Variants in P2RX5 observed in about 807,000 individuals in gnomAD.
P2RX5 encodes the protein purinergic receptor P2X 5.
P2RX5 carries 46 observed loss-of-function variants against 54.1 expected under a neutral mutation model. The ratio of observed to expected loss-of-function variants is 0.85; its 90% CI spans 0.67 to 1.09. P2RX5 has a LOEUF of 1.09. Among genes scored for constraint, P2RX5 ranks in the 50% least tolerant of loss-of-function variants. P2RX5 has a pLI of 0.00. For synonymous variants in P2RX5, 226 were observed against 226.4 expected (o/e 1.00, Z 0.02); for missense variants, 566 against 549.8 (o/e 1.03, Z -0.29).
At chr17:3,714,983 T>C in the P2RX5 span, 5 of 1,212,302 alleles carry the variant, frequency 4.1e-6, no homozygotes, top group South Asian at 2.4e-5. Context: ...AGGCCAAAGA[T>C]AGCCATCTGT....
intron 10 of P2RX5, among the ~76,000 whole-genome samples, chr17:3,680,482 C>G: frequency 1.0e-5 from 1 of 96,358 alleles, no homozygotes; most frequent in African/African-American, 5.7e-5. Flanking sequence ...CTCCACCCTG[C>G]ATCCTCCACC....
chr17:3,702,457 C>T, the P2RX5 span, among the ~76,000 whole-genome samples: 2 of 152,196 alleles, frequency 1.3e-5, no homozygotes, highest in South Asian at 2.1e-4. Context: ...CCACCCAAGC[C>T]AGCAGTGGCA....
At position 3,691,788 on chromosome 17, in the gene P2RX5, C is replaced by T. The variant is rs1328143334; in HGVS notation, c.144G>A (p.Val48=). The part of the protein sequence containing the change: ...ASILAYLVVW[V]FLIKKGYQDV... ...CTTGGTAACCCTTCTTTATCAGGAACACCCATCTGTGGGAAGGGGGCCGGT... is the reference window on the plus strand; with the variant it reads ...CTTGGTAACCCTTCTTTATCAGGAATACCCATCTGTGGGAAGGGGGCCGGT... Residue 48 remains valine (V), a synonymous_variant, in exon 2 of 12, where the codon GTG becomes GTA. Coordinates refer to ENST00000225328, the MANE Select transcript of P2RX5 (RefSeq NM_002561.4). 12 of 1,614,160 alleles carry T rather than the reference C, an allele frequency of 7.4e-6. No homozygotes were observed. Among genetic ancestry groups the T allele is most frequent in the East Asian group, 6.7e-5 (3 of 44,884 alleles).
At chr17:3,723,746 T>C in the P2RX5 span, 42 of 1,606,786 alleles carry the variant, frequency 2.6e-5, no homozygotes, top group South Asian at 3.0e-4. Flanking sequence ...CGTGGAGGCC[T>C]GAAACGAGAG....
chr17:3,691,748 G>C lies in P2RX5; in HGVS notation c.184C>G (p.Leu62Val). The C allele has an allele frequency of 6.2e-7, 1 of 1,614,236 alleles. No individual in the cohort carries two copies. The highest frequency in any genetic ancestry group is 8.5e-7 in the Non-Finnish European group (1 of 1,180,042). ...KKGYQDVDTS[L>V]QSAVITKVKG... ...ACTTTGGTGATGACAGCACTCTGCA[G>C]GGAGGTGTCGACGTCTTGGTAACCC... The change falls in exon 2 of 12, where the codon CTG (leucine) becomes GTG (valine). Residue 62 changes from leucine (L) to valine (V), a missense_variant. Coordinates refer to ENST00000225328, the MANE Select transcript of P2RX5 (RefSeq NM_002561.4).
upstream of P2RX5, among the ~76,000 whole-genome samples, chr17:3,699,598 AG>A (rs1026727552): frequency 6.6e-6 from 1 of 151,866 alleles, no homozygotes; most frequent in Non-Finnish European, 1.5e-5. Context: ...CGAGGTCAAA[AG>A]TTTGAGACCA....
intron 10 of P2RX5, among the ~76,000 whole-genome samples, chr17:3,680,988 T>C (rs866345041): frequency 1.4e-3 from 33 of 23,174 alleles, no homozygotes; most frequent in African/African-American, 5.1e-3. Flanking sequence ...CTCCACCCAG[T>C]GTCCTCCACC....
chr17:3,697,348 G>C (rs1162461), upstream of P2RX5, among the ~76,000 whole-genome samples: 121,810 of 151,394 alleles, frequency 0.8, 49,161 homozygotes, highest in East Asian at 0.91. Context: ...GAGGGCCTCC[G>C]GGGGGGCAGG....
chr17:3,684,492 G>A (rs909041052), intron 9 of P2RX5, among the ~76,000 whole-genome samples: 2 of 152,170 alleles, frequency 1.3e-5, no homozygotes, highest in African/African-American at 4.8e-5. Flanking sequence ...GCCCTGGCTA[G>A]TGGGGAGGCT....
the P2RX5 span, chr17:3,720,190 C>G: frequency 1.7e-6 from 1 of 601,846 alleles, no homozygotes; most frequent in Non-Finnish European, 3.0e-6. Context: ...ATGGCAGAGC[C>G]AAGATCAGAA....
At chr17:3,721,261 T>C in the P2RX5 span, among the ~76,000 whole-genome samples, 1 of 20,546 alleles carries the variant, frequency 4.9e-5, no homozygotes, top group African/African-American at 8.5e-4. Context: ...AGATTTTTCC[T>C]TTTTTTTTTT....
upstream of P2RX5, among the ~76,000 whole-genome samples, chr17:3,697,373 C>T (rs1251505629): frequency 3.3e-5 from 5 of 152,120 alleles, no homozygotes; most frequent in African/African-American, 1.2e-4. Flanking sequence ...GAACTCCTGA[C>T]AGCCAAAGAC....
chr17:3,675,314 A>G, intron 11 of P2RX5: 1 of 978,546 alleles, frequency 1.0e-6, no homozygotes, highest in Non-Finnish European at 1.2e-6. Flanking sequence ...TGCTAGGATT[A>G]CAGGCGTGAG....
intron 11 of P2RX5, chr17:3,677,304 TG>T: frequency 1.0e-6 from 1 of 985,336 alleles, no homozygotes; most frequent in African/African-American, 1.7e-5. Context: ...TCAAGGCGAC[TG>T]TATCTCCCAT....
chr17:3,681,774 C>T, intron 10 of P2RX5, 122 bp downstream of exon 10: 1 of 741,358 alleles, frequency 1.3e-6, no homozygotes, highest in Non-Finnish European at 2.5e-6. Context: ...CTTCTCCTCC[C>T]CGGGCCCTCC....
At chr17:3,715,810 C>T in the P2RX5 span, among the ~76,000 whole-genome samples, 1 of 151,906 alleles carries the variant, frequency 6.6e-6, no homozygotes, top group African/African-American at 2.4e-5. Context: ...TGCAGTGAGC[C>T]CTTAACTGTG....
intron 11 of P2RX5, chr17:3,675,655 G>A (rs1212715331): frequency 1.2e-5 from 9 of 761,282 alleles, no homozygotes; most frequent in East Asian, 1.3e-4. Context: ...AGGTTCAAGC[G>A]ATTCTCCTGC....
the P2RX5 span, among the ~76,000 whole-genome samples, chr17:3,721,115 G>T: frequency 1.4e-4 from 21 of 151,872 alleles, no homozygotes; most frequent in Non-Finnish European, 4.4e-5. Context: ...TTTTTGTAGA[G>T]ATGGGGTTTT....
At chr17:3,700,159 C>T (rs1026716351), upstream of P2RX5, among the ~76,000 whole-genome samples, 9 of 152,292 alleles carry the variant, frequency 5.9e-5, no homozygotes, top group African/African-American at 2.2e-4. Flanking sequence ...GGCCAACTCA[C>T]CACCCTCACA....
Sources: gnomAD v4.1 joint callset for allele counts (sites outside exome capture counted in the v4.1 genomes callset) on GRCh38, gnomAD v4.1.1 for gene constraint, MANE v1.5 for transcripts, NCBI Gene and HGNC (gene_info 2026-07-23, HGNC 2026-07-21) for gene names.